The following EXTL3 variants were observed in gnomAD, a reference collection of about 807,000 sequenced individuals.
EXTL3 encodes exostosin like glycosyltransferase 3.
Under a neutral mutation model 69.3 loss-of-function variants are expected in EXTL3, and 27 were observed. The ratio of observed to expected loss-of-function variants is 0.39; its 90% CI spans 0.29 to 0.54. The LOEUF is 0.54. Ranked by LOEUF, EXTL3 falls within the 20% of genes least tolerant of loss-of-function variation. The pLI, the probability that EXTL3 is intolerant of heterozygous loss-of-function variation, is 0.69. For missense variants in EXTL3, 1,003 were observed against 1,231.8 expected, an observed-to-expected ratio of 0.81 and a Z score of 2.78; for synonymous variants, 511 against 499.4, an observed-to-expected ratio of 1.02 and a Z score of -0.31.
chr8:28,688,431 G>A (rs1316777968), intron 1 of EXTL3, among the ~76,000 whole-genome samples: 2 of 152,178 alleles, frequency 1.3e-5, no homozygotes, highest in Non-Finnish European at 2.9e-5. Context: ...AAGGCTTACT[G>A]TATACCAGGC....
At position 28,717,909 on chromosome 8, in the gene EXTL3, C is replaced by T. The variant is rs747753901; in HGVS notation, c.1850C>T (p.Thr617Ile). 6.2e-6 allele frequency: 10 copies of T among 1,614,256 alleles called. No homozygotes were observed. Among genetic ancestry groups the T allele is most frequent in the Non-Finnish European group, 8.5e-6 (10 of 1,180,046 alleles). The stretch of plus-strand genomic sequence containing the variant: ...GGGCCTTTCCATCTTTTCCCCCACA[C>T]TCCCTTTGACCCTGTGTTGCCCTCA... ...APGPFHLFPH[T>I]PFDPVLPSEA... The change falls in exon 3 of 7, where the codon ACT becomes ATT. Residue 617 changes from threonine to isoleucine, a missense_variant. Physicochemically the swap from Thr to Ile is moderately conservative, Grantham distance 89 (BLOSUM62 -1). Around this residue, in one of 2 missense-constraint regions of EXTL3, gnomAD observed 261 missense variants for 416.4 expected, o/e 0.63. Transcript: ENST00000220562. This position sits in a 1 kb window ranked among gnomAD's most constrained non-coding sequence, Gnocchi z 8.3.
chr8:28,702,416 C>T (rs1055770121), intron 1 of EXTL3, among the ~76,000 whole-genome samples: 2 of 152,226 alleles, frequency 1.3e-5, no homozygotes, highest in Non-Finnish European at 2.9e-5. Context: ...CTATTCCGAG[C>T]CCCTCGGAGG....
At chr8:28,744,528 C>T (rs1169228922) in intron 6 of EXTL3, among the ~76,000 whole-genome samples, 5 of 152,214 alleles carry the variant, frequency 3.3e-5, no homozygotes, top group African/African-American at 1.2e-4. Flanking sequence ...GGCGCAGTGG[C>T]TTACGCCTAT....
chr8:28,706,538 G>A (rs1800926138), intron 1 of EXTL3, among the ~76,000 whole-genome samples: 2 of 152,194 alleles, frequency 1.3e-5, no homozygotes, highest in Admixed American at 1.3e-4. Context: ...TTGTGCTCCA[G>A]AAAGGTGTGC....
intron 1 of EXTL3, among the ~76,000 whole-genome samples, chr8:28,689,593 C>T (rs1800580880): frequency 6.6e-6 from 1 of 152,178 alleles, no homozygotes; most frequent in Non-Finnish European, 1.5e-5. Context: ...ATAGTTTTCA[C>T]CTCAATACTT....
intron 1 of EXTL3, among the ~76,000 whole-genome samples, chr8:28,633,074 C>A (rs537881413): frequency 6.6e-6 from 1 of 152,150 alleles, no homozygotes; most frequent in Non-Finnish European, 1.5e-5. Context: ...TGTTGTGGCT[C>A]ACACTTGTAA....
In EXTL3 at chr8:28,718,027, C is replaced by T; in HGVS notation, c.1968C>T (p.Gly656=). 1 of 1,613,982 alleles carries T rather than the reference C, an allele frequency of 6.2e-7. No homozygotes were observed. The highest frequency in any genetic ancestry group is 8.5e-7 in the Non-Finnish European group (1 of 1,179,986). ...AGGAATTTCAGGCAGCGCTTGGAGG[C>T]AATGTTCCCCGAGAGCAGTTCACGG... The part of the protein sequence containing the change: ...SGKEFQAALG[G]NVPREQFTVV... The change falls in exon 3 of 7, where the codon GGC becomes GGT. Residue 656 remains glycine, a synonymous_variant. Transcript: ENST00000220562.
intron 3 of EXTL3, among the ~76,000 whole-genome samples, chr8:28,726,615 G>A (rs1192163354): frequency 2.0e-5 from 3 of 152,092 alleles, no homozygotes; most frequent in African/African-American, 4.8e-5. Flanking sequence ...GGGCTGTCTT[G>A]TGCACTATAG....
chr8:28,673,146 A>G (rs1807325254), intron 1 of EXTL3, among the ~76,000 whole-genome samples: 2 of 152,184 alleles, frequency 1.3e-5, no homozygotes, highest in Admixed American at 6.5e-5. Context: ...TAATAGAGTA[A>G]GCAGAATTCT....
intron 5 of EXTL3, chr8:28,742,468 G>C (rs1275284489): frequency 6.1e-6 from 1 of 163,278 alleles, no homozygotes; most frequent in Non-Finnish European, 1.3e-5. Flanking sequence ...TGTTCAGTTG[G>C]TTTGAGTGTT....
chr8:28,691,687 C>T (rs907009688), intron 1 of EXTL3, among the ~76,000 whole-genome samples: 17 of 150,808 alleles, frequency 1.1e-4, no homozygotes, highest in African/African-American at 2.2e-4. Flanking sequence ...CACCTGAGGT[C>T]GGGAGTTCGA....
rs1298746447 is a variant in EXTL3 at position 28,713,388 on chromosome 8, A to T, written c.-569-69A>T. The T allele has an allele frequency of 1.1e-5, 7 of 639,426 alleles. No individual in the cohort carries two copies. The African/African-American group carries it at 1.3e-4, about 12-fold the overall frequency. 39.6% of individuals were successfully genotyped at this position (639,426 alleles called of 1,614,324 possible). A position where few individuals can be genotyped will look rare whatever the true frequency, so the allele number is the denominator to read the frequency against. On this transcript the variant is annotated intron_variant, in intron 1 of 6. Coordinates refer to ENST00000220562, the MANE Select transcript of EXTL3 (RefSeq NM_001440.4). Reference sequence around the variant, plus strand: ...AAATAGGTTCTTTAATAGCACTTTCAGTATTGAGTATTTTTCTAATAGTAT... The same window carrying T: ...AAATAGGTTCTTTAATAGCACTTTCTGTATTGAGTATTTTTCTAATAGTAT...
intron 1 of EXTL3, among the ~76,000 whole-genome samples, chr8:28,678,491 C>T (rs1238118531): frequency 6.6e-6 from 1 of 152,022 alleles, no homozygotes; most frequent in Admixed American, 6.6e-5. Flanking sequence ...AAGAGCCTGG[C>T]ACCCCTCTCC....
chr8:28,672,931 A>G (rs990574785), intron 1 of EXTL3, among the ~76,000 whole-genome samples: 2 of 152,158 alleles, frequency 1.3e-5, no homozygotes, highest in African/African-American at 4.8e-5. Flanking sequence ...TTCTTGAGAT[A>G]GAGAGATCTG....
intron 1 of EXTL3, among the ~76,000 whole-genome samples, chr8:28,665,747 A>AT (rs986707472): frequency 2.0e-5 from 3 of 151,670 alleles, no homozygotes; most frequent in Admixed American, 2.0e-4. Flanking sequence ...CTGCCATCTG[A>AT]TTTTTTTTCT....
chr8:28,742,750 C>A, intron 5 of EXTL3: 1 of 247,914 alleles, frequency 4.0e-6, no homozygotes. Context: ...TTTTTTTGGC[C>A]ATTGTTAGAG....
intron 4 of EXTL3, among the ~76,000 whole-genome samples, chr8:28,734,721 A>C (rs1801610013): frequency 6.6e-6 from 1 of 151,994 alleles, no homozygotes; most frequent in African/African-American, 2.4e-5. Context: ...AAAACAAAAC[A>C]AAAAAAACAC....
intron 6 of EXTL3, among the ~76,000 whole-genome samples, chr8:28,746,055 T>C (rs1801881999): frequency 1.3e-5 from 2 of 152,238 alleles, no homozygotes; most frequent in Admixed American, 6.5e-5. Context: ...TTAAATATTT[T>C]ATTTACCTAA....
At chr8:28,637,175 A>T in intron 1 of EXTL3, 1 of 152,086 alleles carries the variant, frequency 6.6e-6, no homozygotes, top group Admixed American at 6.5e-5. Flanking sequence ...TTGTAATCAA[A>T]CTTCTAGATT....
Sources: gnomAD v4.1 joint callset for allele counts (sites outside exome capture counted in the v4.1 genomes callset) on GRCh38, gnomAD v4.1.1 for gene constraint, gnomAD v4.1.1 regional missense constraint, Gnocchi (gnomAD v3.1) non-coding constraint, MANE v1.5 for transcripts, NCBI Gene and HGNC (gene_info 2026-07-23, HGNC 2026-07-21) for gene names.